The following GALNT13 variants were observed in gnomAD, a reference collection of about 807,000 sequenced individuals.
The protein encoded by GALNT13 is UDP-GalNAc:polypeptide N-acetylgalactosaminyltransferase 13.
In GALNT13, 28 loss-of-function variants were observed where a neutral mutation model predicts 64.2. That is an observed-to-expected ratio of 0.44 (90% CI 0.32 to 0.60). The LOEUF (loss-of-function observed/expected upper bound fraction) is 0.60, where lower values mean the gene tolerates loss of function less well. Ranked by LOEUF, GALNT13 falls within the 20% of genes least tolerant of loss-of-function variation. The pLI is 0.05. For synonymous variants in GALNT13, 214 were observed against 224.6 expected, an observed-to-expected ratio of 0.95 and a Z score of 0.42; for missense variants, 577 against 669.8, an observed-to-expected ratio of 0.86 and a Z score of 1.53.
the GALNT13 span, among the ~76,000 whole-genome samples, chr2:153,634,365 C>T: frequency 6.6e-6 from 1 of 151,834 alleles, no homozygotes; most frequent in Non-Finnish European, 1.5e-5. Flanking sequence ...CTATTCAACT[C>T]ACACTTCTTT....
chr2:153,454,773 A>AATGT, the GALNT13 span, among the ~76,000 whole-genome samples: 1 of 152,210 alleles, frequency 6.6e-6, no homozygotes, highest in South Asian at 2.1e-4. Context: ...AAGACCTATG[A>AATGT]ATGTATGTAT....
At chr2:153,503,317 AC>A in the GALNT13 span, among the ~76,000 whole-genome samples, 1 of 152,132 alleles carries the variant, frequency 6.6e-6, no homozygotes, top group African/African-American at 2.4e-5. Flanking sequence ...TTATCCTAGC[AC>A]CATTTGTTGA....
intron 3 of GALNT13, among the ~76,000 whole-genome samples, chr2:154,013,670 C>T (rs1327704551): frequency 6.6e-6 from 1 of 152,152 alleles, no homozygotes; most frequent in Non-Finnish European, 1.5e-5. Context: ...GCACCCACCG[C>T]TGTGCGGTGG....
chr2:153,373,284 T>C, the GALNT13 span, among the ~76,000 whole-genome samples: 2 of 152,274 alleles, frequency 1.3e-5, no homozygotes, highest in Middle Eastern at 3.4e-3. Context: ...GACTTCACTT[T>C]TGACTAAGAA....
At position 154,065,781 on chromosome 2, in the gene GALNT13, G is replaced by A. The variant is rs568544399; in HGVS notation, c.143-74556G>A. On this transcript the variant is annotated intron_variant, in intron 3 of 12. Transcript: ENST00000392825. ...ACAGGTATGAACAAGCCCAGACTGTGAAGGCTACAATTAATTCTGAATTCT... is the reference window on the plus strand; with the variant it reads ...ACAGGTATGAACAAGCCCAGACTGTAAAGGCTACAATTAATTCTGAATTCT... Among the ~76,000 whole-genome samples the A allele has an allele frequency of 4.5e-4, 69 of 152,272 alleles. No homozygotes were observed. The Middle Eastern group carries it at 0.01, about 23-fold the overall frequency.
At chr2:153,369,878 C>CCAA in the GALNT13 span, among the ~76,000 whole-genome samples, 3 of 152,108 alleles carry the variant, frequency 2.0e-5, no homozygotes, top group Admixed American at 1.3e-4. Flanking sequence ...ACTGTCCTGG[C>CCAA]CAACAGCTCA....
the GALNT13 span, among the ~76,000 whole-genome samples, chr2:153,579,774 C>T: frequency 6.6e-6 from 1 of 152,030 alleles, no homozygotes; most frequent in Non-Finnish European, 1.5e-5. Flanking sequence ...CTCATTGGAG[C>T]ATGAACTCTA....
the GALNT13 span, among the ~76,000 whole-genome samples, chr2:153,479,794 G>C: frequency 2.6e-5 from 4 of 152,090 alleles, no homozygotes; most frequent in African/African-American, 7.2e-5. Context: ...CCTGATTGAC[G>C]CTTCAGCCAT....
the GALNT13 span, chr2:153,762,224 T>C: frequency 1.3e-5 from 2 of 152,196 alleles, no homozygotes; most frequent in African/African-American, 4.8e-5. Flanking sequence ...CCTCTTTTTT[T>C]CCCCACTTCT....
At chr2:154,321,003 A>G (rs1466251107) in intron 9 of GALNT13, among the ~76,000 whole-genome samples, 1 of 152,048 alleles carries the variant, frequency 6.6e-6, no homozygotes, top group African/African-American at 2.4e-5. Context: ...AAATCCTCAA[A>G]TATAGGTGGG....
At chr2:154,118,282 CT>C (rs557217006) in intron 3 of GALNT13, among the ~76,000 whole-genome samples, 236 of 130,550 alleles carry the variant, frequency 1.8e-3, no homozygotes, top group Middle Eastern at 4.4e-3. Context: ...CCCTCTTTGT[CT>C]TTTTTTTTTT....
chr2:153,250,652 C>T, the GALNT13 span, among the ~76,000 whole-genome samples: 1 of 152,160 alleles, frequency 6.6e-6, no homozygotes, highest in Admixed American at 6.5e-5. Flanking sequence ...CAGTGGCAGA[C>T]TGGATAAAGA....
the GALNT13 span, among the ~76,000 whole-genome samples, chr2:153,350,384 CTT>C: frequency 2.1e-4 from 27 of 129,926 alleles, no homozygotes; most frequent in South Asian, 2.4e-4. Flanking sequence ...TTCTTTCTTT[CTT>C]TTTTTTTTTT....
rs150071949 is a variant in GALNT13 at position 154,072,487 on chromosome 2, A to G, written c.143-67850A>G. ...AATTGCATCTTACTCTCTTTTCATT[A>G]TAGTGTATATAAGATTTGGCTCAAA... On this transcript the variant is annotated intron_variant, in intron 3 of 12. Transcript: ENST00000392825. Among the ~76,000 whole-genome samples, 368 of 152,156 alleles carry G rather than the reference A, an allele frequency of 2.4e-3. 8 individuals are homozygous for G. The East Asian group carries it at 0.055, about 23-fold the overall frequency.
chr2:154,360,317 A>C (rs1388324302), intron 9 of GALNT13, among the ~76,000 whole-genome samples: 3 of 152,176 alleles, frequency 2.0e-5, no homozygotes, highest in African/African-American at 7.2e-5. Context: ...ATCCATTTAT[A>C]GTCCACTGGC....
chr2:153,917,064 CACTT>C (rs1689404042), intron 2 of GALNT13, among the ~76,000 whole-genome samples: 1 of 152,084 alleles, frequency 6.6e-6, no homozygotes. Flanking sequence ...GCTGACAAGT[CACTT>C]AGTTGATGAG....
At chr2:154,412,152 A>G (rs1233027463) in intron 11 of GALNT13, among the ~76,000 whole-genome samples, 2 of 151,848 alleles carry the variant, frequency 1.3e-5, no homozygotes, top group African/African-American at 4.8e-5. Flanking sequence ...TGTTGATTTC[A>G]AAACGATGAA....
At chr2:153,281,668 T>G in the GALNT13 span, among the ~76,000 whole-genome samples, 2 of 152,300 alleles carry the variant, frequency 1.3e-5, no homozygotes, top group South Asian at 2.1e-4. Flanking sequence ...TAGTGAGATA[T>G]AAAATTCTTA....
At chr2:154,099,408 G>A (rs964839759) in intron 3 of GALNT13, among the ~76,000 whole-genome samples, 5 of 152,108 alleles carry the variant, frequency 3.3e-5, no homozygotes, top group South Asian at 2.1e-4. Flanking sequence ...CTGTGCAGAA[G>A]CATTTTAGTT....
Sources: gnomAD v4.1 joint callset for allele counts (sites outside exome capture counted in the v4.1 genomes callset) on GRCh38, gnomAD v4.1.1 for gene constraint, MANE v1.5 for transcripts, NCBI Gene and HGNC (gene_info 2026-07-23, HGNC 2026-07-21) for gene names.